The following TECTA variants were observed in gnomAD, a reference collection of about 807,000 sequenced individuals.
TECTA encodes the protein alpha-tectorin.
A neutral mutation model predicts 216.8 loss-of-function variants in TECTA; 128 were observed. That is an observed-to-expected ratio of 0.59 (90% confidence interval 0.51 to 0.68). TECTA has a LOEUF of 0.68. Ranked by LOEUF, TECTA falls within the 30% of genes least tolerant of loss-of-function variation. TECTA has a pLI of 0.00. For synonymous variants in TECTA, 1,089 were observed against 1,117.1 expected (o/e 0.97, Z 0.50); for missense variants, 2,551 against 2,786.2 (o/e 0.92, Z 1.90).
chr11:121,157,475 T>G (rs1335994839), intron 13 of TECTA, among the ~76,000 whole-genome samples: 3 of 152,078 alleles, frequency 2.0e-5, no homozygotes, highest in African/African-American at 7.2e-5. Flanking sequence ...TGCTTATAGT[T>G]CCAGCTACTA....
intron 22 of TECTA, 62 bp from the exon 23 acceptor site, chr11:121,189,702 C>T: frequency 6.7e-7 from 1 of 1,498,736 alleles, no homozygotes. Flanking sequence ...AAGCCCTTCC[C>T]TTCAATACCA....
rs376214215 is a variant in TECTA, at chr11:121,178,233, C to T, written c.5999+9308C>T. On this transcript the variant is annotated intron_variant, in intron 20 of 23. Transcript: ENST00000392793. ...ACTCCCTAGTGAGATGAACCCAGTA[C>T]CTCAGATGGAAATGCAGAAATCACC... Among the ~76,000 whole-genome samples the T allele has an allele frequency of 1.3e-4, 20 of 152,344 alleles. No individual in the cohort carries two copies. In the East Asian group the frequency reaches 2.1e-3, roughly 16 times the overall value.
rs546886916 is a variant in TECTA, at chr11:121,185,145, A to C, written c.6000-2687A>C. On this transcript the variant is annotated intron_variant, in intron 20 of 23. Coordinates refer to ENST00000392793, the MANE Select transcript of TECTA (RefSeq NM_005422.4). ...GCTTACCCCAGTGTCTGTCTGAATAAACGTCTTCAAATTAAACTGTGGTTG... is the reference window on the plus strand; with the variant it reads ...GCTTACCCCAGTGTCTGTCTGAATACACGTCTTCAAATTAAACTGTGGTTG... Among the ~76,000 whole-genome samples, 5 of 152,362 alleles carry C rather than the reference A, an allele frequency of 3.3e-5. No individual in the cohort carries two copies. In the South Asian group the frequency reaches 1.0e-3, roughly 32 times the overall value.
At position 121,137,254 on chromosome 11, in the gene TECTA, GCA is replaced by G. The variant is rs776461476; in HGVS notation, c.2942-158_2942-157del. 2.4e-4 allele frequency among the ~76,000 whole-genome samples: 37 copies of G among 151,628 alleles called. 1 individual carries two copies. Among genetic ancestry groups the G allele is most frequent in the African/African-American group, 5.8e-4 (24 of 41,270 alleles). ...CACATGCACTCGCACACACGCACGT[GCA>G]CACACACATGCATGCACAAATGCAT... On this transcript the variant is annotated intron_variant, in intron 10 of 23. Transcript: ENST00000392793.
In TECTA at chr11:121,109,321, G is replaced by A; in HGVS notation, c.309G>A (p.Val103=). The A allele has an allele frequency of 6.2e-7, 1 of 1,614,122 alleles. No homozygotes were observed. Among genetic ancestry groups the A allele is most frequent in the Non-Finnish European group, 8.5e-7 (1 of 1,180,020 alleles). Residue 103 remains valine, a synonymous_variant, in exon 4 of 24, where the codon GTG becomes GTA. Transcript: ENST00000392793. ...TCGTCGCCCCATTTTGGGCAGATGT[G>A]CACAATGGAATTCGAGGCGAGATCT... ...RAFVAPFWAD[V]HNGIRGEIYY...
intron 3 of TECTA, among the ~76,000 whole-genome samples, 186 bp from the exon 4 acceptor site, chr11:121,109,025 A>G (rs1946418607): frequency 6.6e-6 from 1 of 152,218 alleles, no homozygotes. Flanking sequence ...AAGAAAACCA[A>G]TGAGTTTGTC....
intron 11 of TECTA, 64 bp downstream of exon 11, chr11:121,138,086 C>A: frequency 6.2e-7 from 1 of 1,607,674 alleles, no homozygotes; most frequent in Non-Finnish European, 8.5e-7. Context: ...GGTCGGCAAG[C>A]CAGGCTGCAG....
intron 16 of TECTA, 69 bp from the exon 17 acceptor site, chr11:121,165,204 G>A: frequency 6.8e-7 from 1 of 1,463,672 alleles, no homozygotes; most frequent in Non-Finnish European, 9.4e-7. Flanking sequence ...GTCTGGAGTG[G>A]AACCAAAAGC....
Position 121,159,031 on chromosome 11 carries a change from G to T in TECTA, c.4689+807G>T, listed in dbSNP as rs570685891. On this transcript the variant is annotated intron_variant, in intron 14 of 23. Coordinates refer to ENST00000392793, the MANE Select transcript of TECTA (RefSeq NM_005422.4). ...GGCCCTGGCACTGTGAGCACAGAGA[G>T]GCAGGGACCCGGAGACAGCCACATT... Among the ~76,000 whole-genome samples, 5 of 152,186 alleles carry T rather than the reference G, an allele frequency of 3.3e-5. 1 individual carries two copies. The highest frequency in any genetic ancestry group is 1.3e-4 in the Admixed American group (2 of 15,280).
At chr11:121,120,521 A>T (rs181169676) in intron 7 of TECTA, among the ~76,000 whole-genome samples, 9 of 152,240 alleles carry the variant, frequency 5.9e-5, no homozygotes, top group Admixed American at 3.9e-4. Context: ...GAGGCAGCTG[A>T]CTTCTTCAGC....
intron 9 of TECTA, among the ~76,000 whole-genome samples, chr11:121,128,818 G>C (rs1272391451): frequency 1.3e-5 from 2 of 152,206 alleles, no homozygotes; most frequent in Non-Finnish European, 2.9e-5. Context: ...ATACATGCCA[G>C]TCTATGTGGG....
chr11:121,125,171 G>A (rs1166292431), intron 7 of TECTA, 131 bp from the exon 8 acceptor site: 5 of 948,320 alleles, frequency 5.3e-6, no homozygotes, highest in Middle Eastern at 3.1e-4. Context: ...GAAGCCCACT[G>A]GAGCCTGGAC....
At chr11:121,136,948 T>A (rs1174312224) in intron 10 of TECTA, among the ~76,000 whole-genome samples, 2 of 152,254 alleles carry the variant, frequency 1.3e-5, no homozygotes, top group African/African-American at 4.8e-5. Flanking sequence ...TGCTCAATTC[T>A]GGGTCTTAGA....
chr11:121,183,010 C>A (rs551130904), intron 20 of TECTA, among the ~76,000 whole-genome samples: 1 of 152,168 alleles, frequency 6.6e-6, no homozygotes, highest in Non-Finnish European at 1.5e-5. Context: ...AGGCAGGTGG[C>A]TCTTGGGTTC....
At position 121,138,166 on chromosome 11, in the gene TECTA, TTC is replaced by T; in HGVS notation, c.3543+146_3543+147del. ...AAAGCAGAGAGAGGCCCTAGAGATT[TTC>T]TGTCACTTCATCTTACAGAGAAGGA... On this transcript the variant is annotated intron_variant, in intron 11 of 23. Transcript: ENST00000392793. 2.5e-6 allele frequency: 3 copies of T among 1,202,794 alleles called. No individual in the cohort carries two copies. The South Asian group carries it at 4.4e-5, about 18-fold the overall frequency. 74.5% of individuals were successfully genotyped at this position (1,202,794 alleles called of 1,614,324 possible). A position where few individuals can be genotyped will look rare whatever the true frequency, so the allele number is the denominator to read the frequency against.
At chr11:121,166,939 C>T (rs1468372978) in intron 18 of TECTA, among the ~76,000 whole-genome samples, 159 bp downstream of exon 18, 1 of 152,226 alleles carries the variant, frequency 6.6e-6, no homozygotes, top group East Asian at 1.9e-4. Flanking sequence ...ACAGCAAGAG[C>T]AGTCATCATT....
intron 6 of TECTA, among the ~76,000 whole-genome samples, chr11:121,114,255 C>G (rs757351982): frequency 6.6e-6 from 1 of 152,162 alleles, no homozygotes; most frequent in Admixed American, 6.5e-5. Context: ...ATCAGCAAAA[C>G]GTGCAGGAAT....
chr11:121,151,310 C>T (rs1946887412), intron 12 of TECTA, among the ~76,000 whole-genome samples: 1 of 152,124 alleles, frequency 6.6e-6, no homozygotes, highest in Admixed American at 6.6e-5. Flanking sequence ...TAATTTATTC[C>T]ACAGATGCCC....
intron 4 of TECTA, among the ~76,000 whole-genome samples, chr11:121,112,327 G>A (rs1483510609): frequency 6.6e-6 from 1 of 152,182 alleles, no homozygotes; most frequent in East Asian, 1.9e-4. Flanking sequence ...CGCAAATCTC[G>A]TTTTCTGTTG....
Sources: gnomAD v4.1 joint callset for allele counts (sites outside exome capture counted in the v4.1 genomes callset) on GRCh38, gnomAD v4.1.1 for gene constraint, MANE v1.5 for transcripts, NCBI Gene and HGNC (gene_info 2026-07-23, HGNC 2026-07-21) for gene names.